The following PRSS12 variants were observed in gnomAD, a reference collection of about 807,000 sequenced individuals.
The protein encoded by PRSS12 is neurotrypsin.
PRSS12 carries 85 observed loss-of-function variants against 104.4 expected under a neutral mutation model. The observed-to-expected ratio is 0.81, with a 90% CI of 0.68 to 0.98. The LOEUF is 0.98. Among genes scored for constraint, PRSS12 ranks in the 50% least tolerant of loss-of-function variants. The pLI is 0.00. For synonymous variants in PRSS12, 454 were observed against 425.2 expected, an observed-to-expected ratio of 1.07 and a Z score of -0.83; for missense variants, 1,141 against 1,139.2, an observed-to-expected ratio of 1.00 and a Z score of -0.02.
chr4:118,307,545 T>C (rs1229684470), intron 8 of PRSS12, among the ~76,000 whole-genome samples: 1 of 152,138 alleles, frequency 6.6e-6, no homozygotes, highest in Non-Finnish European at 1.5e-5. Flanking sequence ...AATTGTAACA[T>C]TTTCCATATT....
chr4:118,298,802 G>A lies in PRSS12; in HGVS notation c.1768C>T (p.Arg590Cys), dbSNP rs146186927. 35 of 1,614,010 alleles carry A rather than the reference G, an allele frequency of 2.2e-5. No individual in the cohort carries two copies. The highest frequency in any genetic ancestry group is 1.5e-4 in the African/African-American group (11 of 74,896). ...ATAACTCCTGCATCTTCACTGTGGC[G>A]GCAGTTGTGTCTTCCAATATCTTGC... is the stretch of plus-strand genomic sequence containing the variant. ...IKQDIGRHNC[R>C]HSEDAGVICD... The change falls in exon 9 of 13, where the codon CGC (arginine) becomes TGC (cysteine). Residue 590 changes from arginine to cysteine, a missense_variant. By Grantham distance (180) the Arg-to-Cys change is radical (BLOSUM62 -3). Coordinates refer to ENST00000296498, the MANE Select transcript of PRSS12 (RefSeq NM_003619.4).
At chr4:118,294,310 G>T (rs1743201380) in intron 11 of PRSS12, among the ~76,000 whole-genome samples, 1 of 152,058 alleles carries the variant, frequency 6.6e-6, no homozygotes, top group African/African-American at 2.4e-5. Context: ...TGAGGAAAGG[G>T]CCATTAACCA....
chr4:118,310,035 T>C (rs1578915617), intron 7 of PRSS12, among the ~76,000 whole-genome samples: 1 of 152,300 alleles, frequency 6.6e-6, no homozygotes, highest in East Asian at 1.9e-4. Context: ...GTTTATGGCG[T>C]GCCAACTCTA....
Position 118,335,462 on chromosome 4 carries a change from C to CTT in PRSS12, c.820+9_820+10dup. The CTT allele has an allele frequency of 8.1e-6, 13 of 1,611,812 alleles. No individual in the cohort carries two copies. Among genetic ancestry groups the CTT allele is most frequent in the South Asian group, 2.2e-5 (2 of 90,890 alleles). ...GAAAGTAAAACAACAGAACTTTTTT[C>CTT]TTTTTTTTACCATGGGAAAAGCTAC... On this transcript the variant is annotated intron_variant, in intron 3 of 12. Coordinates refer to ENST00000296498, the MANE Select transcript of PRSS12 (RefSeq NM_003619.4).
chr4:118,287,965 T>C (rs1478100095), intron 11 of PRSS12, among the ~76,000 whole-genome samples: 1 of 152,144 alleles, frequency 6.6e-6, no homozygotes, highest in Non-Finnish European at 1.5e-5. Flanking sequence ...TGAGACACAG[T>C]AGTTTATTAA....
At position 118,281,876 on chromosome 4, in the gene PRSS12, A is replaced by T. The variant is rs1014796300; in HGVS notation, c.*60T>A. The T allele has an allele frequency of 1.2e-6, 1 of 832,248 alleles. No individual in the cohort carries two copies. The highest frequency in any genetic ancestry group is 1.7e-5 in the African/African-American group (1 of 60,116). 51.6% of individuals were successfully genotyped at this position (832,248 alleles called of 1,614,324 possible). A position where few individuals can be genotyped will look rare whatever the true frequency, so the allele number is the denominator to read the frequency against. Reference sequence around the variant, plus strand: ...TTGTTGTCATCTCTGCTGAGTGCTAATAGTGGGGGTTCAAAGTTTTCCATT... The same window carrying T: ...TTGTTGTCATCTCTGCTGAGTGCTATTAGTGGGGGTTCAAAGTTTTCCATT... On this transcript the variant is annotated 3_prime_UTR_variant, in exon 13 of 13. Transcript: ENST00000296498.
intron 2 of PRSS12, among the ~76,000 whole-genome samples, chr4:118,337,580 C>G (rs1724091346): frequency 1.3e-5 from 2 of 152,066 alleles, no homozygotes; most frequent in Non-Finnish European, 2.9e-5. Flanking sequence ...ACTGCCAGAG[C>G]TAACAGAAGC....
Position 118,352,709 on chromosome 4 carries a change from G to T in PRSS12, c.12C>A (p.Ala4=), listed in dbSNP as rs757141751. 1 of 1,613,014 alleles carries T rather than the reference G, an allele frequency of 6.2e-7. No homozygotes were observed. Among genetic ancestry groups the T allele is most frequent in the South Asian group, 1.1e-5 (1 of 90,954 alleles). MTL[A]RFVLALMLGA... is the part of the protein sequence containing the mutation. ...CTAACATCAGGGCTAGCACGAAGCG[G>T]GCGAGCGTCATGGTGCCAGCGCTGC... The change falls in exon 1 of 13, where the codon GCC becomes GCA. Residue 4 remains alanine (A), a synonymous_variant. Coordinates refer to ENST00000296498, the MANE Select transcript of PRSS12 (RefSeq NM_003619.4).
rs1443699091 is a variant in PRSS12, at chr4:118,298,743, G to C, written c.1827C>G (p.Asn609Lys). ...CDYFGKKASG[N>K]SNKESLSSVC... is the part of the protein sequence containing the mutation. ...CAGAAGGTGACTTACCTTTATTACT[G>C]TTACCTGAGGCCTTCTTGCCAAAAT... Residue 609 changes from asparagine (N) to lysine (K), a missense_variant, in exon 9 of 13, where the codon AAC becomes AAG. Physicochemically the swap from Asn to Lys is moderately conservative, Grantham distance 94 (BLOSUM62 0). Coordinates refer to ENST00000296498, the MANE Select transcript of PRSS12 (RefSeq NM_003619.4). The C allele has an allele frequency of 2.5e-6, 4 of 1,614,140 alleles. No homozygotes were observed. The highest frequency in any genetic ancestry group is 3.4e-6 in the Non-Finnish European group (4 of 1,180,018).
intron 4 of PRSS12, among the ~76,000 whole-genome samples, chr4:118,325,117 C>G (rs1723736863): frequency 6.6e-6 from 1 of 152,016 alleles, no homozygotes; most frequent in South Asian, 2.1e-4. Flanking sequence ...AAGCCACAAT[C>G]CTAAGTGAAT....
At chr4:118,346,589 CT>C (rs1219319162) in intron 1 of PRSS12, among the ~76,000 whole-genome samples, 1 of 151,966 alleles carries the variant, frequency 6.6e-6, no homozygotes, top group Non-Finnish European at 1.5e-5. Flanking sequence ...AACCAAATTA[CT>C]TTTACATAGG....
chr4:118,293,195 T>A (rs1743169700), intron 11 of PRSS12, among the ~76,000 whole-genome samples: 1 of 151,906 alleles, frequency 6.6e-6, no homozygotes, highest in African/African-American at 2.4e-5. Context: ...GGGTAAAGAC[T>A]AGAATATTTA....
Position 118,319,394 on chromosome 4 carries a change from T to C in PRSS12, c.972-838A>G, listed in dbSNP as rs564111175. ...TAAGTTCTGACCAGTGATATTTAGG[T>C]GGAAGTACCATGTATTACTTGTAGG... On this transcript the variant is annotated intron_variant, in intron 4 of 12. Transcript: ENST00000296498. Among the ~76,000 whole-genome samples, 59 of 152,174 alleles carry C rather than the reference T, an allele frequency of 3.9e-4. No individual in the cohort carries two copies. The Middle Eastern group carries it at 0.01, about 26-fold the overall frequency.
rs1314325099 is a variant in PRSS12 at position 118,335,544 on chromosome 4, T to C, written c.749A>G (p.Glu250Gly). The C allele has an allele frequency of 3.1e-6, 5 of 1,613,976 alleles. No individual in the cohort carries two copies. The highest frequency in any genetic ancestry group is 4.2e-6 in the Non-Finnish European group (5 of 1,179,994). The part of the protein sequence containing the change: ...RGDEENILLC[E>G]KDIWQGGVCP... Reference sequence around the variant, plus strand: ...CACCCCACCCTGCCAGATGTCTTTTTCACAAAGCAGTATATTTTCTTCATC... The same window carrying C: ...CACCCCACCCTGCCAGATGTCTTTTCCACAAAGCAGTATATTTTCTTCATC... The change falls in exon 3 of 13, where the codon GAA becomes GGA. Residue 250 changes from glutamate to glycine, a missense_variant. By Grantham distance (98) the Glu-to-Gly change is moderately conservative. Coordinates refer to ENST00000296498, the MANE Select transcript of PRSS12 (RefSeq NM_003619.4).
At chr4:118,340,117 G>A (rs1047935525) in intron 1 of PRSS12, among the ~76,000 whole-genome samples, 1 of 152,130 alleles carries the variant, frequency 6.6e-6, no homozygotes, top group Non-Finnish European at 1.5e-5. Context: ...GGCACTTAGA[G>A]GTGAGAAGGA....
chr4:118,334,585 G>C (rs1724015345), intron 3 of PRSS12, among the ~76,000 whole-genome samples: 1 of 152,106 alleles, frequency 6.6e-6, no homozygotes, highest in African/African-American at 2.4e-5. Flanking sequence ...ATAGCTCTCA[G>C]AGTATACACC....
In PRSS12 at chr4:118,352,451, G is replaced by C; in HGVS notation, c.270C>G (p.Pro90=). The C allele has an allele frequency of 1.4e-6, 2 of 1,443,684 alleles. No homozygotes were observed. The highest frequency in any genetic ancestry group is 1.8e-6 in the Non-Finnish European group (2 of 1,104,518). The allele number at this position is 1,443,684 out of a possible 1,614,324, so 89.4% of individuals were successfully genotyped here. ...ATGGCTCGCCGGCGGGGCAGCCCCA[G>C]GGGTGCGGCCGGGGCGTGTGCCCGG... ...LQAGHTPRPH[P]WGCPAGEPWV... Residue 90 remains proline (P), a synonymous_variant, in exon 1 of 13, where the codon CCC becomes CCG. Transcript: ENST00000296498.
intron 1 of PRSS12, among the ~76,000 whole-genome samples, chr4:118,340,711 A>G (rs1363619020): frequency 6.6e-6 from 1 of 152,230 alleles, no homozygotes; most frequent in East Asian, 1.9e-4. Context: ...TTAGGATAAA[A>G]GGCATATAAA....
chr4:118,282,330 T>G, intron 12 of PRSS12, 87 bp from the exon 13 acceptor site: 3 of 1,531,604 alleles, frequency 2.0e-6, no homozygotes, highest in Non-Finnish European at 2.7e-6. Context: ...GTTATGAAAA[T>G]AAAATCCCTG....
Sources: allele counts gnomAD v4.1 joint callset (sites outside exome capture counted in the v4.1 genomes callset), GRCh38; gene constraint gnomAD v4.1.1; transcripts MANE v1.5; gene names NCBI Gene and HGNC (gene_info 2026-07-23, HGNC 2026-07-21).